The following LRRC37A variants were observed in gnomAD, a reference collection of about 807,000 sequenced individuals.
LRRC37A encodes the protein leucine-rich repeat-containing protein 37A.
A neutral mutation model predicts 35.4 loss-of-function variants in LRRC37A; 3 were observed. The ratio of observed to expected loss-of-function variants is 0.08; its 90% CI spans 0.04 to 0.22. The LOEUF is 0.22. Among genes scored for constraint, LRRC37A ranks in the 10% least tolerant of loss-of-function variants. The pLI is 1.00. For synonymous variants in LRRC37A, 23 were observed against 215.0 expected (o/e 0.11, Z 7.81); for missense variants, 67 against 565.3 (o/e 0.12, Z 8.94).
At chr17:46,249,424 G>A in the LRRC37A span, among the ~76,000 whole-genome samples, 100 of 152,300 alleles carry the variant, frequency 6.6e-4, no homozygotes, top group South Asian at 7.0e-3. Flanking sequence ...AATTTAAGGA[G>A]CACCTTTTAG....
the LRRC37A span, among the ~76,000 whole-genome samples, chr17:46,255,099 G>A: frequency 6.6e-6 from 1 of 152,122 alleles, no homozygotes; most frequent in African/African-American, 2.4e-5. Flanking sequence ...GCCTCCCAAA[G>A]TGCTGGGATT....
At chr17:46,286,346 A>G in the LRRC37A span, among the ~76,000 whole-genome samples, 1 of 152,262 alleles carries the variant, frequency 6.6e-6, no homozygotes, top group East Asian at 1.9e-4. Context: ...CATTCAATTG[A>G]TTTTAAAGCT....
At position 46,332,438 on chromosome 17, in the gene LRRC37A, T is replaced by C. The variant is rs1285807809; in HGVS notation, c.4705-114T>C. 2.0e-5 allele frequency: 9 copies of C among 441,166 alleles called. No homozygotes were observed. In the African/African-American group the frequency reaches 2.3e-4, roughly 11 times the overall value. The allele number at this position is 441,166 out of a possible 1,614,324, so 27.3% of individuals were successfully genotyped here. A position where few individuals can be genotyped will look rare whatever the true frequency, so the allele number is the denominator to read the frequency against. ...CGGTACCCAAGCCTGGGTGACAGAG[T>C]GAGACCCTCTTTCAAAAAAATAAAA... is the stretch of plus-strand genomic sequence containing the variant. On this transcript the variant is annotated intron_variant, in intron 9 of 13. Coordinates refer to ENST00000320254, the Ensembl canonical transcript of LRRC37A.
At chr17:46,250,683 G>A in the LRRC37A span, among the ~76,000 whole-genome samples, 1 of 152,184 alleles carries the variant, frequency 6.6e-6, no homozygotes. Context: ...GTGATCCTGT[G>A]AGTTAATACT....
upstream of LRRC37A, among the ~76,000 whole-genome samples, chr17:46,290,745 C>G (rs897288296): frequency 6.6e-6 from 1 of 152,236 alleles, no homozygotes; most frequent in African/African-American, 2.4e-5. Flanking sequence ...TTGCGCCCAG[C>G]CTCTGAAGCT....
At chr17:46,260,619 TC>T in the LRRC37A span, 28 of 1,118,498 alleles carry the variant, frequency 2.5e-5, no homozygotes, top group Non-Finnish European at 3.4e-5. Flanking sequence ...CTCTCTATTC[TC>T]TTTTTTTTTT....
upstream of LRRC37A, among the ~76,000 whole-genome samples, chr17:46,289,142 G>C (rs1412349772): frequency 2.0e-5 from 3 of 152,094 alleles, no homozygotes; most frequent in East Asian, 5.8e-4. Flanking sequence ...TGGCATCCAC[G>C]AACAAATTTG....
the LRRC37A span, chr17:46,260,621 T>TC: frequency 3.8e-4 from 135 of 355,236 alleles, no homozygotes; most frequent in African/African-American, 6.6e-3. Context: ...CTCTATTCTC[T>TC]TTTTTTTTTT....
the LRRC37A span, among the ~76,000 whole-genome samples, chr17:46,282,164 G>A: frequency 6.6e-6 from 1 of 151,528 alleles, no homozygotes; most frequent in Non-Finnish European, 1.5e-5. Flanking sequence ...GTGCAGTGGC[G>A]CAATCTCGGC....
chr17:46,280,644 G>C, the LRRC37A span, among the ~76,000 whole-genome samples: 1 of 136,606 alleles, frequency 7.3e-6, no homozygotes, highest in Non-Finnish European at 1.5e-5. Context: ...TGTGATCTTG[G>C]CTCATTGCAG....
the LRRC37A span, among the ~76,000 whole-genome samples, chr17:46,281,351 G>A: frequency 6.6e-6 from 1 of 151,798 alleles, no homozygotes; most frequent in Admixed American, 6.6e-5. Flanking sequence ...AGAATTTAAA[G>A]TCCCGTGACT....
At chr17:46,278,412 G>T in the LRRC37A span, among the ~76,000 whole-genome samples, 53,589 of 104,056 alleles carry the variant, frequency 0.52, 10,771 homozygotes, top group East Asian at 0.76. Flanking sequence ...TTTTTTTTTT[G>T]TTGTTGTTTT....
At chr17:46,275,648 T>C in the LRRC37A span, among the ~76,000 whole-genome samples, 1 of 152,242 alleles carries the variant, frequency 6.6e-6, no homozygotes, top group African/African-American at 2.4e-5. Flanking sequence ...TTAAAATATG[T>C]ATGTATATAT....
chr17:46,280,794 G>A, the LRRC37A span, among the ~76,000 whole-genome samples: 3 of 152,106 alleles, frequency 2.0e-5, no homozygotes, highest in Non-Finnish European at 2.9e-5. Flanking sequence ...GGATGGTCTC[G>A]AAATGCTGAC....
At chr17:46,281,285 C>G in the LRRC37A span, among the ~76,000 whole-genome samples, 1 of 151,598 alleles carries the variant, frequency 6.6e-6, no homozygotes, top group Non-Finnish European at 1.5e-5. Flanking sequence ...TTCCCTGTAT[C>G]TGGCACACAT....
rs188214055 is a variant in LRRC37A at position 46,324,878 on chromosome 17, G to A, written c.3053+1851G>A. 4.4e-4 allele frequency among the ~76,000 whole-genome samples: 33 copies of A among 75,854 alleles called. 6 individuals carry two copies. The highest frequency in any genetic ancestry group is 1.1e-3 in the African/African-American group (32 of 29,844). 49.8% of individuals were successfully genotyped at this position (75,854 alleles called of 152,430 possible). ...TTTATATATATGTACGTGTATATAT[G>A]TATATGTATGCCTGCAGGGCCCTAT... On this transcript the variant is annotated intron_variant, in intron 7 of 13. Transcript: ENST00000320254.
At chr17:46,291,901 C>T (rs1366987727), upstream of LRRC37A, among the ~76,000 whole-genome samples, 2 of 145,112 alleles carry the variant, frequency 1.4e-5, no homozygotes, top group African/African-American at 2.6e-5. Flanking sequence ...GGGGAGGCTG[C>T]GATGGGGTGT....
chr17:46,270,797 T>C, the LRRC37A span, among the ~76,000 whole-genome samples: 22 of 152,176 alleles, frequency 1.4e-4, no homozygotes, highest in South Asian at 4.1e-4. Flanking sequence ...ATCCCAGCTA[T>C]TGGGGGGCAG....
rs572508270 is a variant in LRRC37A at position 46,316,877 on chromosome 17, C to G, written c.2907-5445C>G. Among the ~76,000 whole-genome samples the G allele has an allele frequency of 1.5e-3, 147 of 101,294 alleles. 25 individuals carry two copies. The highest frequency in any genetic ancestry group is 4.7e-3 in the African/African-American group (144 of 30,784). 66.5% of individuals were successfully genotyped at this position (101,294 alleles called of 152,430 possible). On this transcript the variant is annotated intron_variant, in intron 5 of 13. Coordinates refer to ENST00000320254, the Ensembl canonical transcript of LRRC37A. Reference sequence around the variant, plus strand: ...AAGCACATCTTGCACCGCCCTTAATCCATTCAACCCTGAGTGGACACAGCA... The same window carrying G: ...AAGCACATCTTGCACCGCCCTTAATGCATTCAACCCTGAGTGGACACAGCA...
Sources: gnomAD v4.1 joint callset for allele counts (sites outside exome capture counted in the v4.1 genomes callset) on GRCh38, gnomAD v4.1.1 for gene constraint, MANE v1.5 for transcripts, NCBI Gene and HGNC (gene_info 2026-07-23, HGNC 2026-07-21) for gene names.